The following PRSS55 variants were observed in gnomAD, a reference collection of about 807,000 sequenced individuals.
PRSS55 encodes the protein serine protease 55.
A neutral mutation model predicts 23.6 loss-of-function variants in PRSS55; 41 were observed. The observed-to-expected ratio is 1.74, with a 90% CI of 1.35 to 2.26. PRSS55 has a LOEUF of 2.26. Ranked by LOEUF, PRSS55 falls within the 30% of genes most tolerant of loss-of-function variation. The pLI, the probability that PRSS55 is intolerant of heterozygous loss-of-function variation, is 0.00. For synonymous variants in PRSS55, 262 were observed against 175.5 expected, an observed-to-expected ratio of 1.49 and a Z score of -3.90; for missense variants, 669 against 439.1, an observed-to-expected ratio of 1.52 and a Z score of -4.68.
chr8:10,536,861 C>CT (rs1812473387), intron 4 of PRSS55, among the ~76,000 whole-genome samples: 1 of 152,144 alleles, frequency 6.6e-6, no homozygotes, highest in East Asian at 1.9e-4. Flanking sequence ...CCAGGACCTA[C>CT]TTAAAGGTAG....
At chr8:10,544,673 G>C (rs936238425) in intron 4 of PRSS55, among the ~76,000 whole-genome samples, 1 of 151,888 alleles carries the variant, frequency 6.6e-6, no homozygotes, top group Non-Finnish European at 1.5e-5. Context: ...TTATATTTTT[G>C]AGTTGTTTTC....
rs1812772651 is a variant in PRSS55, at chr8:10,544,806, C to T, written c.742-9137C>T. ...TTCCTACGTAGTCCTATTTCCTCCT[C>T]CTCTTTTTTTTGCTATTATTTTCCT... On this transcript the variant is annotated intron_variant, in intron 4 of 4. Coordinates refer to the PRSS55 transcript ENST00000522210. 2.0e-5 allele frequency among the ~76,000 whole-genome samples: 3 copies of T among 152,178 alleles called. 1 individual carries two copies. The highest frequency in any genetic ancestry group is 4.1e-4 in the South Asian group (2 of 4,828).
intron 1 of PRSS55, among the ~76,000 whole-genome samples, chr8:10,526,641 G>T (rs779210490): frequency 1.3e-5 from 2 of 152,192 alleles, no homozygotes; most frequent in African/African-American, 2.4e-5. Context: ...AAGTCAACAC[G>T]ATTCCATACA....
downstream of PRSS55, among the ~76,000 whole-genome samples, chr8:10,542,302 G>C (rs1011760826): frequency 6.6e-6 from 1 of 151,558 alleles, no homozygotes; most frequent in African/African-American, 2.4e-5. Context: ...GACATCAAGG[G>C]AAACAACAAT....
rs752951156 is a variant in PRSS55, at chr8:10,525,704, G to A, written c.119G>A (p.Arg40His). ...CTAGGCAGGGCTAGGGGAGCCCACC[G>A]CCCTCAGCCCCCTCATCCCCCCAGC... is the stretch of plus-strand genomic sequence containing the variant. ...AILGRARGAHRPQPPHPPSPV... is the reference protein window; with the variant it reads ...AILGRARGAHHPQPPHPPSPV... The change falls in exon 1 of 5, where the codon CGC (arginine) becomes CAC (histidine). Residue 40 changes from arginine (R) to histidine (H), a missense_variant. Physicochemically the swap from Arg to His is conservative, Grantham distance 29. Coordinates refer to ENST00000328655, the MANE Select transcript of PRSS55 (RefSeq NM_198464.4). 1.9e-5 allele frequency: 31 copies of A among 1,612,858 alleles called. No individual in the cohort carries two copies. Among genetic ancestry groups the A allele is most frequent in the African/African-American group, 1.2e-4 (9 of 74,894 alleles).
intron 4 of PRSS55, among the ~76,000 whole-genome samples, chr8:10,537,242 G>A (rs1812488012): frequency 6.6e-6 from 1 of 152,134 alleles, no homozygotes; most frequent in African/African-American, 2.4e-5. Context: ...TCCACGAATG[G>A]ATGAATTGAT....
In PRSS55 at chr8:10,538,790, C is replaced by G; in HGVS notation, c.1056C>G (p.Tyr352Ter). 4.5e-6 allele frequency: 7 copies of G among 1,555,172 alleles called. No homozygotes were observed. Among genetic ancestry groups the G allele is most frequent in the Non-Finnish European group, 6.1e-6 (7 of 1,154,356 alleles). ...LSHVLFRAIL[Y>*] ...ATGTGTTGTTCAGAGCTATTTTGTACTGATAATAAAATAGAGGCTATTCTT... is the reference window on the plus strand; with the variant it reads ...ATGTGTTGTTCAGAGCTATTTTGTAGTGATAATAAAATAGAGGCTATTCTT... Residue 352 changes from tyrosine (Y) to a stop codon, truncating the protein, a stop_gained, in exon 5 of 5, where the codon TAC (tyrosine) becomes TAG (stop). Coordinates refer to ENST00000328655, the MANE Select transcript of PRSS55 (RefSeq NM_198464.4). LOFTEE classifies it high-confidence loss of function.
At chr8:10,546,753 G>A (rs1812828230) in intron 4 of PRSS55, among the ~76,000 whole-genome samples, 1 of 152,070 alleles carries the variant, frequency 6.6e-6, no homozygotes, top group South Asian at 2.1e-4. Flanking sequence ...GCCCAATCAA[G>A]GCCCACTGAA....
chr8:10,531,932 G>C (rs1308509503), intron 3 of PRSS55, among the ~76,000 whole-genome samples: 1 of 152,210 alleles, frequency 6.6e-6, no homozygotes, highest in East Asian at 1.9e-4. Flanking sequence ...TGACGGTCCT[G>C]GAGCGTTGCC....
rs140647949 is a variant in PRSS55 at position 10,538,137 on chromosome 8, C to G, written c.742-339C>G. Among the ~76,000 whole-genome samples, 300 of 152,278 alleles carry G rather than the reference C, an allele frequency of 2.0e-3. 2 individuals are homozygous for G. The highest frequency in any genetic ancestry group is 6.7e-3 in the African/African-American group (278 of 41,544). The stretch of plus-strand genomic sequence containing the variant: ...TCCAGAGCCTCTCATTTGATAAGAG[C>G]CTCTCATTTGATAAGACCCTCAAAA... On this transcript the variant is annotated intron_variant, in intron 4 of 4. Transcript: ENST00000328655.
intron 4 of PRSS55, chr8:10,547,629 C>G (rs1363897154): frequency 6.6e-6 from 1 of 152,508 alleles, no homozygotes; most frequent in Non-Finnish European, 1.5e-5. Context: ...AAATCCCAAG[C>G]TGGCACCTTC....
At chr8:10,535,696 T>C (rs1315586262) in intron 4 of PRSS55, among the ~76,000 whole-genome samples, 1 of 152,182 alleles carries the variant, frequency 6.6e-6, no homozygotes, top group African/African-American at 2.4e-5. Context: ...CAAAAGCAAT[T>C]GCAACAAAAT....
chr8:10,527,204 C>T (rs571461473), intron 1 of PRSS55, among the ~76,000 whole-genome samples: 67 of 152,354 alleles, frequency 4.4e-4, no homozygotes, highest in African/African-American at 1.4e-3. Context: ...ATGAGCCTAA[C>T]TTTGTGGCTG....
At chr8:10,553,251 T>A (rs1203580400) in intron 4 of PRSS55, among the ~76,000 whole-genome samples, 1 of 152,264 alleles carries the variant, frequency 6.6e-6, no homozygotes, top group African/African-American at 2.4e-5. Context: ...ACTCTCATCT[T>A]CTGCCATGAT....
downstream of PRSS55, among the ~76,000 whole-genome samples, chr8:10,543,515 C>T (rs1317180436): frequency 7.0e-6 from 1 of 143,032 alleles, no homozygotes; most frequent in African/African-American, 2.6e-5. Context: ...CACTCTGTCG[C>T]CCAGGCTCAG....
chr8:10,531,548 A>G lies in PRSS55; in HGVS notation c.598+3A>G. 3 of 1,613,058 alleles carry G rather than the reference A, an allele frequency of 1.9e-6. No individual in the cohort carries two copies. The highest frequency in any genetic ancestry group is 2.5e-6 in the Non-Finnish European group (3 of 1,179,852). Reference sequence around the variant, plus strand: ...AGGTTGGGGCCAGACCAATGCTGGTATGTGACTGCTCAGCTTCCCCTGGGG... The same window carrying G: ...AGGTTGGGGCCAGACCAATGCTGGTGTGTGACTGCTCAGCTTCCCCTGGGG... On this transcript the variant is annotated splice_donor_region_variant and intron_variant, in intron 3 of 4. Coordinates refer to ENST00000328655, the MANE Select transcript of PRSS55 (RefSeq NM_198464.4).
chr8:10,551,964 G>A (rs886847385), intron 4 of PRSS55, among the ~76,000 whole-genome samples: 2 of 152,204 alleles, frequency 1.3e-5, no homozygotes, highest in Non-Finnish European at 2.9e-5. Flanking sequence ...AACATTGCCC[G>A]TTTGGCTAAT....
Position 10,533,005 on chromosome 8 carries a change from T to C in PRSS55, c.698T>C (p.Met233Thr), listed in dbSNP as rs1330129541. The change falls in exon 4 of 5, where the codon ATG (methionine) becomes ACG (threonine). Residue 233 changes from methionine (M) to threonine (T), a missense_variant. Transcript: ENST00000328655. ...SKMFPKLTKN[M>T]LCAGYKNESY... Reference sequence around the variant, plus strand: ...ATGTTTCCAAAACTTACCAAAAATATGCTGTGTGCCGGATACAAGAATGAG... The same window carrying C: ...ATGTTTCCAAAACTTACCAAAAATACGCTGTGTGCCGGATACAAGAATGAG... 4 of 1,614,082 alleles carry C rather than the reference T, an allele frequency of 2.5e-6. No homozygotes were observed. Among genetic ancestry groups the C allele is most frequent in the Non-Finnish European group, 2.5e-6 (3 of 1,180,050 alleles).
intron 1 of PRSS55, among the ~76,000 whole-genome samples, chr8:10,528,737 T>C (rs1333961381): frequency 6.6e-6 from 1 of 152,214 alleles, no homozygotes; most frequent in Non-Finnish European, 1.5e-5. Context: ...AAATGTCTTA[T>C]CCTACAGTAC....
Sources: allele counts gnomAD v4.1 joint callset (sites outside exome capture counted in the v4.1 genomes callset), GRCh38; gene constraint gnomAD v4.1.1; transcripts MANE v1.5; gene names NCBI Gene and HGNC (gene_info 2026-07-23, HGNC 2026-07-21).